ALK: variants seen among roughly 807,000 people sequenced by gnomAD.
ALK encodes ALK receptor tyrosine kinase.
ALK carries 74 observed loss-of-function variants against 163.1 expected under a neutral mutation model. The ratio of observed to expected loss-of-function variants is 0.45; its 90% CI spans 0.38 to 0.55. The LOEUF is 0.55. Among genes scored for constraint, ALK ranks in the 20% least tolerant of loss-of-function variants. ALK has a pLI of 0.00. For missense variants in ALK, 2,063 were observed against 2,105.3 expected (o/e 0.98, Z 0.39); for synonymous variants, 960 against 843.2 (o/e 1.14, Z -2.40).
intron 4 of ALK, among the ~76,000 whole-genome samples, chr2:29,384,328 C>T (rs937875390): frequency 5.3e-5 from 8 of 152,182 alleles, no homozygotes; most frequent in African/African-American, 1.9e-4. Flanking sequence ...GTTTGCTCTA[C>T]AGTTACTTAA....
chr2:29,694,993 A>T lies in ALK; in HGVS notation c.809T>A (p.Phe270Tyr). 2 of 1,614,024 alleles carry T rather than the reference A, an allele frequency of 1.2e-6. No homozygotes were observed. Among genetic ancestry groups the T allele is most frequent in the Non-Finnish European group, 1.7e-6 (2 of 1,179,972 alleles). ...SRYGLECSFD[F>Y]PCELEYSPPL... is the part of the protein sequence containing the mutation. The stretch of plus-strand genomic sequence containing the variant: ...AGGGGAATACTCCAGCTCACAGGGG[A>T]AGTCAAAGCTGCACTCCAGACCTGC... Residue 270 changes from phenylalanine (F) to tyrosine (Y), a missense_variant, in exon 3 of 29, where the codon TTC (phenylalanine) becomes TAC (tyrosine). Phe to Tyr is a conservative substitution (Grantham distance 22). This residue lies in a region of ALK where 987 missense variants were observed against 939.5 expected (regional missense o/e 1.05). Transcript: ENST00000389048.
At chr2:29,570,480 A>G (rs1674326422) in intron 3 of ALK, among the ~76,000 whole-genome samples, 1 of 152,254 alleles carries the variant, frequency 6.6e-6, no homozygotes, top group African/African-American at 2.4e-5. Context: ...GGGAAACATT[A>G]GAACAGAAAG....
chr2:29,217,180 TGTG>T (rs1669660000), intron 23 of ALK, among the ~76,000 whole-genome samples: 1 of 151,180 alleles, frequency 6.6e-6, no homozygotes, highest in Non-Finnish European at 1.5e-5. Flanking sequence ...GTCTGTGTGT[TGTG>T]TACATGTGTG....
chr2:29,647,775 CTTTTTTTT>C (rs34620705), intron 3 of ALK, among the ~76,000 whole-genome samples: 1 of 117,214 alleles, frequency 8.5e-6, no homozygotes, highest in Non-Finnish European at 1.7e-5. Context: ...ATGATTTTTT[CTTTTTTTT>C]TTTTTTTTTT....
intron 4 of ALK, among the ~76,000 whole-genome samples, chr2:29,402,211 C>G (rs1023937916): frequency 2.6e-5 from 4 of 152,232 alleles, no homozygotes; most frequent in Non-Finnish European, 4.4e-5. Flanking sequence ...CACAGCTGCT[C>G]TGGGTCAGAT....
chr2:29,876,702 ATGGTGATGG>A (rs1666729389), intron 1 of ALK, among the ~76,000 whole-genome samples: 1 of 131,282 alleles, frequency 7.6e-6, no homozygotes, highest in South Asian at 2.9e-4. Context: ...GATGGTAGTG[ATGGTGATGG>A]TGGTGATGGT....
At chr2:29,417,585 C>T (rs1021863190) in intron 4 of ALK, among the ~76,000 whole-genome samples, 14 of 152,074 alleles carry the variant, frequency 9.2e-5, no homozygotes, top group Non-Finnish European at 1.3e-4. Context: ...ATGACTTGCC[C>T]GAGATCACAT....
At chr2:29,474,998 G>C (rs1431698542) in intron 4 of ALK, among the ~76,000 whole-genome samples, 2 of 151,978 alleles carry the variant, frequency 1.3e-5, no homozygotes, top group Non-Finnish European at 2.9e-5. Context: ...ACCCCTTGAA[G>C]TTTCTGCAGA....
Position 29,193,721 on chromosome 2 carries a change from G to A in ALK, c.4366C>T (p.Pro1456Ser), listed in dbSNP as rs767562423. 6.2e-7 allele frequency: 1 copy of A among 1,607,372 alleles called. No individual in the cohort carries two copies. The highest frequency in any genetic ancestry group is 8.5e-7 in the Non-Finnish European group (1 of 1,175,514). ...CGAACAGAGATCTCTGCAGCTGTGG[G>A]TTTCTTTGCAGCCTTGCCAGAGGAG... ...TTSSGKAAKK[P>S]TAAEISVRVP... The change falls in exon 29 of 29, where the codon CCC becomes TCC. Residue 1456 changes from proline to serine, a missense_variant. Physicochemically the swap from Pro to Ser is moderately conservative, Grantham distance 74. This residue lies in a region of ALK where 403 missense variants were observed against 366.2 expected (regional missense o/e 1.10). Transcript: ENST00000389048.
At chr2:29,647,353 C>T (rs552664290) in intron 3 of ALK, among the ~76,000 whole-genome samples, 1 of 152,208 alleles carries the variant, frequency 6.6e-6, no homozygotes, top group South Asian at 2.1e-4. Context: ...CTCTTCTTCT[C>T]CCTGCATACT....
chr2:29,903,480 C>A (rs1300705626), intron 1 of ALK, among the ~76,000 whole-genome samples: 1 of 152,110 alleles, frequency 6.6e-6, no homozygotes, highest in Non-Finnish European at 1.5e-5. Context: ...CAGTCCCAAC[C>A]CTAACATAAA....
chr2:29,834,302 G>C (rs139518436), intron 1 of ALK, among the ~76,000 whole-genome samples: 4 of 152,288 alleles, frequency 2.6e-5, no homozygotes, highest in African/African-American at 9.6e-5. Flanking sequence ...GAAAAAAAGT[G>C]AAAAATTCAG....
At chr2:29,502,394 A>T (rs1005883557) in intron 4 of ALK, among the ~76,000 whole-genome samples, 3 of 152,188 alleles carry the variant, frequency 2.0e-5, no homozygotes, top group African/African-American at 7.2e-5. Flanking sequence ...TTGTAAATGC[A>T]TAACTTCTCT....
chr2:29,913,713 A>G (rs1230014418), intron 1 of ALK, among the ~76,000 whole-genome samples: 1 of 152,040 alleles, frequency 6.6e-6, no homozygotes, highest in African/African-American at 2.4e-5. Flanking sequence ...CTTTTTTTAG[A>G]TTGAGGGATC....
At chr2:29,633,821 A>G (rs1676448837) in intron 3 of ALK, among the ~76,000 whole-genome samples, 1 of 152,216 alleles carries the variant, frequency 6.6e-6, no homozygotes, top group Non-Finnish European at 1.5e-5. Context: ...CATAGATAAA[A>G]TGGGCCAATT....
At chr2:29,257,098 G>C (rs1558641213) in intron 11 of ALK, among the ~76,000 whole-genome samples, 1 of 152,082 alleles carries the variant, frequency 6.6e-6, no homozygotes, top group Non-Finnish European at 1.5e-5. Flanking sequence ...GGTCTGCCTT[G>C]GTCTCTGAAG....
chr2:29,780,192 C>T (rs544298666), intron 1 of ALK, among the ~76,000 whole-genome samples: 10 of 152,238 alleles, frequency 6.6e-5, no homozygotes, highest in African/African-American at 2.4e-4. Flanking sequence ...ATTTTCAACT[C>T]AGGCTCTTCA....
At position 29,209,815 on chromosome 2, in the gene ALK, T is replaced by C. The variant is rs1231039125; in HGVS notation, c.3807A>G (p.Gly1269=). The C allele has an allele frequency of 1.9e-6, 3 of 1,613,996 alleles. No homozygotes were observed. The highest frequency in any genetic ancestry group is 2.5e-6 in the Non-Finnish European group (3 of 1,180,024). ...CPGPGRVAKI[G]DFGMARDIYR... ...AGATGTCTCGGGCCATCCCGAAGTCTCCAATCTTGGCCACTCTTCCAGGGC... is the reference window on the plus strand; with the variant it reads ...AGATGTCTCGGGCCATCCCGAAGTCCCCAATCTTGGCCACTCTTCCAGGGC... The change falls in exon 25 of 29, where the codon GGA becomes GGG. Residue 1269 remains glycine (G), a synonymous_variant. Coordinates refer to ENST00000389048, the MANE Select transcript of ALK (RefSeq NM_004304.5).
intron 6 of ALK, 23 bp downstream of exon 6, chr2:29,328,327 G>C: frequency 6.2e-7 from 1 of 1,614,010 alleles, no homozygotes; most frequent in African/African-American, 1.3e-5. Context: ...CTCAGGCAGG[G>C]TGGGGCAGCC....
Sources: allele counts gnomAD v4.1 joint callset (sites outside exome capture counted in the v4.1 genomes callset), GRCh38; gene constraint gnomAD v4.1.1; regional missense constraint gnomAD v4.1.1; transcripts MANE v1.5; gene names NCBI Gene and HGNC (gene_info 2026-07-23, HGNC 2026-07-21).